The following GANC variants were observed in gnomAD, a reference collection of about 807,000 sequenced individuals.
GANC encodes neutral alpha-glucosidase C.
Under a neutral mutation model 124.2 loss-of-function variants are expected in GANC, and 117 were observed. The observed-to-expected ratio is 0.94, with a 90% CI of 0.81 to 1.10. The LOEUF is 1.10. GANC is among the 50% of genes least tolerant of loss of function. The pLI, the probability that GANC is intolerant of heterozygous loss-of-function variation, is 0.00. For synonymous variants in GANC, 377 were observed against 376.8 expected (o/e 1.00, Z -0.01); for missense variants, 1,140 against 1,095.0 (o/e 1.04, Z -0.58).
At chr15:42,274,802 C>G (rs1296779581) in intron 1 of GANC, among the ~76,000 whole-genome samples, 1 of 151,914 alleles carries the variant, frequency 6.6e-6, no homozygotes, top group African/African-American at 2.4e-5. Flanking sequence ...CCTCGGAGTC[C>G]CAGCTACTTG....
chr15:42,288,402 A>G (rs1362292759), intron 4 of GANC, among the ~76,000 whole-genome samples: 2 of 152,206 alleles, frequency 1.3e-5, no homozygotes, highest in Admixed American at 6.5e-5. Flanking sequence ...ATCTCTTCTC[A>G]TAACACTTTC....
chr15:42,320,033 A>G (rs1331364514), intron 10 of GANC, among the ~76,000 whole-genome samples: 1 of 152,028 alleles, frequency 6.6e-6, no homozygotes, highest in Non-Finnish European at 1.5e-5. Context: ...AAAGTACAAA[A>G]ATTAGCTGGG....
intron 3 of GANC, chr15:42,283,874 G>T (rs2051759867): frequency 2.8e-6 from 2 of 702,528 alleles, no homozygotes; most frequent in Admixed American, 2.0e-5. Context: ...GGACAGGCCA[G>T]TTGTCCTTGG....
intron 10 of GANC, among the ~76,000 whole-genome samples, chr15:42,311,665 A>T (rs1397729796): frequency 5.9e-5 from 9 of 152,104 alleles, no homozygotes; most frequent in Admixed American, 3.3e-4. Context: ...AAAGAGAGGG[A>T]GGAGGTGCCA....
At chr15:42,325,287 A>ACAAAAC (rs2052189688) in intron 11 of GANC, among the ~76,000 whole-genome samples, 4 of 151,866 alleles carry the variant, frequency 2.6e-5, no homozygotes, top group African/African-American at 7.2e-5. Context: ...AACAAACAAA[A>ACAAAAC]AAAAAAATTT....
intron 3 of GANC, among the ~76,000 whole-genome samples, chr15:42,287,484 A>G (rs1401298277): frequency 6.6e-6 from 1 of 152,194 alleles, no homozygotes; most frequent in East Asian, 1.9e-4. Flanking sequence ...CACAGAACAC[A>G]TAGGAGATAT....
chr15:42,313,583 C>CA (rs1233112702), intron 10 of GANC: 3 of 154,882 alleles, frequency 1.9e-5, no homozygotes, highest in African/African-American at 7.2e-5. Flanking sequence ...GCTCGTCTGC[C>CA]ACTGAGGGCG....
chr15:42,343,191 A>C, intron 19 of GANC, 37 bp downstream of exon 19: 59 of 1,527,424 alleles, frequency 3.9e-5, no homozygotes, highest in Non-Finnish European at 5.3e-5. Flanking sequence ...GATATGTCTC[A>C]TATCTCTCAT....
At chr15:42,284,096 C>G in intron 3 of GANC, 1 of 658,784 alleles carries the variant, frequency 1.5e-6, no homozygotes, top group Non-Finnish European at 2.8e-6. Flanking sequence ...GTTAACAGTT[C>G]TTTACATAAC....
At chr15:42,301,484 T>C (rs1053125705) in intron 6 of GANC, among the ~76,000 whole-genome samples, 3 of 150,870 alleles carry the variant, frequency 2.0e-5, no homozygotes, top group Non-Finnish European at 1.5e-5. Context: ...CAGTGGCGCC[T>C]GGAACACCAG....
At chr15:42,336,346 G>C (rs2052283506) in intron 15 of GANC, among the ~76,000 whole-genome samples, 1 of 152,146 alleles carries the variant, frequency 6.6e-6, no homozygotes, top group Non-Finnish European at 1.5e-5. Flanking sequence ...ACAACCATCT[G>C]ATCTTTGACA....
rs141688459 is a variant in GANC at position 42,342,166 on chromosome 15, C to T, written c.2153-912C>T. Among the ~76,000 whole-genome samples the T allele has an allele frequency of 1.1e-4, 17 of 152,238 alleles. No individual in the cohort carries two copies. The East Asian group carries it at 3.3e-3, about 29-fold the overall frequency. On this transcript the variant is annotated intron_variant, in intron 18 of 23. Coordinates refer to ENST00000318010, the MANE Select transcript of GANC (RefSeq NM_198141.3). Reference sequence around the variant, plus strand: ...TATATCCCCAGAGCCTAGCATGGTGCCCGGCATGCAGTAGGCACTCGAAAT... The same window carrying T: ...TATATCCCCAGAGCCTAGCATGGTGTCCGGCATGCAGTAGGCACTCGAAAT...
chr15:42,340,725 C>G lies in GANC; in HGVS notation c.2123C>G (p.Thr708Ser). ...LWVEFPDELK[T>S]FDMEDEYMLG... is the part of the protein sequence containing the mutation. ...GTAGAGTTCCCTGATGAACTAAAGA[C>G]TTTTGATATGGAAGATGAATACATG... The change falls in exon 18 of 24, where the codon ACT becomes AGT. Residue 708 changes from threonine (T) to serine (S), a missense_variant. Coordinates refer to ENST00000318010, the MANE Select transcript of GANC (RefSeq NM_198141.3). 8 of 1,598,242 alleles carry G rather than the reference C, an allele frequency of 5.0e-6. No homozygotes were observed. The highest frequency in any genetic ancestry group is 6.8e-6 in the Non-Finnish European group (8 of 1,173,996).
intron 8 of GANC, among the ~76,000 whole-genome samples, chr15:42,309,500 A>G (rs953342933): frequency 6.6e-6 from 1 of 151,670 alleles, no homozygotes; most frequent in African/African-American, 2.4e-5. Context: ...TTGTATTTTT[A>G]ATAGCGTCAG....
At chr15:42,326,738 G>A (rs1466520333) in intron 12 of GANC, among the ~76,000 whole-genome samples, 4 of 152,066 alleles carry the variant, frequency 2.6e-5, no homozygotes, top group African/African-American at 9.7e-5. Flanking sequence ...GGAGGAGAAA[G>A]AAAAAAAGTG....
chr15:42,276,542 CAGG>C, intron 2 of GANC, 132 bp downstream of exon 2: 1 of 534,280 alleles, frequency 1.9e-6, no homozygotes, highest in Middle Eastern at 5.0e-4. Context: ...AATCATCAGA[CAGG>C]AGACTCACTT....
chr15:42,315,511 G>A (rs2052094058), intron 10 of GANC, among the ~76,000 whole-genome samples: 1 of 152,202 alleles, frequency 6.6e-6, no homozygotes, highest in South Asian at 2.1e-4. Context: ...TTACGAGGAT[G>A]CAGAGAAATT....
intron 11 of GANC, among the ~76,000 whole-genome samples, chr15:42,325,156 C>T (rs1016278730): frequency 3.3e-5 from 5 of 151,740 alleles, no homozygotes; most frequent in Non-Finnish European, 7.4e-5. Context: ...ACCTGTAATC[C>T]CAGCTACTTG....
intron 9 of GANC, 25 bp from the exon 10 acceptor site, chr15:42,310,668 A>C: frequency 4.4e-6 from 7 of 1,596,970 alleles, no homozygotes; most frequent in Non-Finnish European, 6.0e-6. Context: ...AAATTTCTCA[A>C]ATTTTTATTC....
Sources: allele counts gnomAD v4.1 joint callset (sites outside exome capture counted in the v4.1 genomes callset), GRCh38; gene constraint gnomAD v4.1.1; transcripts MANE v1.5; gene names NCBI Gene and HGNC (gene_info 2026-07-23, HGNC 2026-07-21).